AHRR: variants seen among roughly 807,000 people sequenced by gnomAD.
AHRR encodes the protein aryl hydrocarbon receptor repressor.
In AHRR, 28 loss-of-function variants were observed where a neutral mutation model predicts 44.0. That is an observed-to-expected ratio of 0.64 (90% CI 0.47 to 0.87). The LOEUF (loss-of-function observed/expected upper bound fraction) is 0.87. AHRR is among the 40% of genes least tolerant of loss of function. AHRR has a pLI of 0.00. For synonymous variants in AHRR, 434 were observed against 407.0 expected, an observed-to-expected ratio of 1.07 and a Z score of -0.80; for missense variants, 990 against 953.9, an observed-to-expected ratio of 1.04 and a Z score of -0.50.
In AHRR at chr5:438,232, A is replaced by T. The variant is rs1431917350; in HGVS notation, c.*3398A>T. ...TTTTTTTGTACTGTGGTTTGTATTA[A>T]ATTTGCAATATTGATGTAAAATACA... On this transcript the variant is annotated 3_prime_UTR_variant, in exon 11 of 11. Transcript: ENST00000684583. 2.0e-5 allele frequency: 3 copies of T among 152,382 alleles called. No homozygotes were observed. The highest frequency in any genetic ancestry group is 4.4e-5 in the Non-Finnish European group (3 of 68,042). 9.4% of individuals were successfully genotyped at this position (152,382 alleles called of 1,614,324 possible).
chr5:372,987 G>A (rs1743629439), intron 3 of AHRR, among the ~76,000 whole-genome samples: 3 of 152,250 alleles, frequency 2.0e-5, no homozygotes, highest in African/African-American at 7.2e-5. Flanking sequence ...AGCCCTTGCT[G>A]TGGGCACAGG....
chr5:344,245 C>T (rs778451764), intron 2 of AHRR, among the ~76,000 whole-genome samples: 43 of 150,792 alleles, frequency 2.9e-4, no homozygotes, highest in African/African-American at 6.8e-4. Flanking sequence ...AGGACGCGGG[C>T]GGAGCTCCGG....
rs894182431 is a variant in AHRR, at chr5:404,591, G to A, written c.352-8753G>A. The stretch of plus-strand genomic sequence containing the variant: ...TTGGTACTAAAATGGTAATTTTTAT[G>A]TTATGACGGTTTGGAAAAAACTGTC... On this transcript the variant is annotated intron_variant, in intron 4 of 10. Transcript: ENST00000684583. The surrounding 1 kb of genome is among the most constrained non-coding windows in gnomAD (Gnocchi z 4.1). 1.3e-5 allele frequency: 3 copies of A among 228,712 alleles called. No individual in the cohort carries two copies. The highest frequency in any genetic ancestry group is 2.7e-5 in the Non-Finnish European group (3 of 112,732). The allele number at this position is 228,712 out of a possible 1,614,324, so 14.2% of individuals were successfully genotyped here. A position where few individuals can be genotyped will look rare whatever the true frequency, so the allele number is the denominator to read the frequency against.
Position 432,894 on chromosome 5 carries a change from C to T in AHRR, c.1059C>T (p.Cys353=). The change falls in exon 10 of 11, where the codon TGC becomes TGT. Residue 353 remains cysteine (C), a synonymous_variant. Coordinates refer to ENST00000684583, the MANE Select transcript of AHRR (RefSeq NM_001377236.1). ...RWAQVPARAP[C]LCLRGGPDLV... is the part of the protein sequence containing the mutation. ...CACAGGTTCCCGCCAGGGCCCCATGCCTGTGCCTCCGGGGTGGCCCTGACC... is the reference window on the plus strand; with the variant it reads ...CACAGGTTCCCGCCAGGGCCCCATGTCTGTGCCTCCGGGGTGGCCCTGACC... 1 of 1,613,520 alleles carries T rather than the reference C, an allele frequency of 6.2e-7. No individual in the cohort carries two copies. The highest frequency in any genetic ancestry group is 8.5e-7 in the Non-Finnish European group (1 of 1,179,968).
At chr5:393,147 A>G (rs1372536156) in intron 4 of AHRR, among the ~76,000 whole-genome samples, 1 of 152,110 alleles carries the variant, frequency 6.6e-6, no homozygotes, top group African/African-American at 2.4e-5. Context: ...GATGCCTTTG[A>G]AATGAGAGCT....
At chr5:322,208 G>T (rs940743719) in intron 1 of AHRR, among the ~76,000 whole-genome samples, 1 of 152,116 alleles carries the variant, frequency 6.6e-6, no homozygotes, top group Non-Finnish European at 1.5e-5. Context: ...CTCACCCCCG[G>T]GAAAGGCCCA....
chr5:340,682 ATATATATTTTTTT>A (rs1474817948), intron 1 of AHRR, among the ~76,000 whole-genome samples: 3 of 23,770 alleles, frequency 1.3e-4, no homozygotes, highest in Admixed American at 4.3e-4. Flanking sequence ...ATATATATAT[ATATATATTTTTTT>A]TTTTTTTTTT....
chr5:385,910 T>A (rs1447182411), intron 4 of AHRR, among the ~76,000 whole-genome samples: 1 of 152,224 alleles, frequency 6.6e-6, no homozygotes. Context: ...TTTTTTTCAA[T>A]GTTTTCTTTC....
chr5:322,305 G>A (rs1741523799), intron 1 of AHRR, among the ~76,000 whole-genome samples: 1 of 152,232 alleles, frequency 6.6e-6, no homozygotes, highest in African/African-American at 2.4e-5. Context: ...CCCTGAGAGA[G>A]CGATGTGGCG....
intron 4 of AHRR, among the ~76,000 whole-genome samples, chr5:402,727 G>A (rs1187254804): frequency 1.3e-5 from 2 of 152,174 alleles, no homozygotes; most frequent in Non-Finnish European, 2.9e-5. Context: ...TCCCCCTGCC[G>A]GGCATTTACC....
In AHRR at chr5:370,668, G is replaced by A. The variant is rs945388417; in HGVS notation, c.245-5942G>A. 2.0e-5 allele frequency among the ~76,000 whole-genome samples: 3 copies of A among 151,600 alleles called. No individual in the cohort carries two copies. The highest frequency in any genetic ancestry group is 7.3e-5 in the African/African-American group (3 of 41,204). On this transcript the variant is annotated intron_variant, in intron 3 of 10. Transcript: ENST00000684583. The surrounding 1 kb of genome is among the most constrained non-coding windows in gnomAD (Gnocchi z 4.5). ...TGTGGGTGATGGGGGGACAGTCCAT[G>A]GGAAGGCACAGGTGATGGGGTTGGG...
chr5:398,545 T>G (rs11949773), intron 4 of AHRR, among the ~76,000 whole-genome samples: 14,453 of 152,276 alleles, frequency 0.095, 971 homozygotes, highest in Non-Finnish European at 0.13. Context: ...TCAGCTGGGC[T>G]TGGACCCTTG....
intron 3 of AHRR, among the ~76,000 whole-genome samples, chr5:367,044 G>T (rs1743382987): frequency 6.6e-6 from 1 of 152,232 alleles, no homozygotes; most frequent in Non-Finnish European, 1.5e-5. Flanking sequence ...GGGGTATCTG[G>T]GTGCTTTATA....
chr5:432,518 T>G lies in AHRR; in HGVS notation c.964T>G (p.Ser322Ala). The change falls in exon 9 of 11, where the codon TCA becomes GCA. Residue 322 changes from serine to alanine, a missense_variant. Coordinates refer to ENST00000684583, the MANE Select transcript of AHRR (RefSeq NM_001377236.1). ...ESELHGKPNY[S>A]AGRSSRESGV... Reference sequence around the variant, plus strand: ...GGAACTGCATGGAAAACCCAATTACTCAGCAGGTACTTAGAACATTTCTTA... The same window carrying G: ...GGAACTGCATGGAAAACCCAATTACGCAGCAGGTACTTAGAACATTTCTTA... 6.2e-7 allele frequency: 1 copy of G among 1,614,044 alleles called. No individual in the cohort carries two copies. The highest frequency in any genetic ancestry group is 1.1e-5 in the South Asian group (1 of 91,084).
At chr5:346,628 C>T (rs956968315) in intron 2 of AHRR, among the ~76,000 whole-genome samples, 1 of 152,224 alleles carries the variant, frequency 6.6e-6, no homozygotes, top group African/African-American at 2.4e-5. Context: ...TCAACCCTTC[C>T]TGGCCCCCTA....
chr5:378,769 C>T (rs10038693), intron 4 of AHRR, among the ~76,000 whole-genome samples: 107,378 of 152,004 alleles, frequency 0.71, 38,589 homozygotes, highest in African/African-American at 0.77. Context: ...TTCATTCTGT[C>T]TTTTAGGTGG....
intron 2 of AHRR, among the ~76,000 whole-genome samples, chr5:351,382 C>T (rs1381702487): frequency 2.0e-5 from 3 of 152,196 alleles, no homozygotes; most frequent in Admixed American, 6.5e-5. Context: ...ACGGATAAAG[C>T]AATGTGGCCT....
intron 1 of AHRR, among the ~76,000 whole-genome samples, chr5:339,578 G>A (rs1210135248): frequency 1.3e-5 from 2 of 152,020 alleles, no homozygotes; most frequent in African/African-American, 4.8e-5. Flanking sequence ...AATAATTTTA[G>A]TGGGAATGGG....
chr5:374,674 C>T (rs920525253), intron 3 of AHRR, among the ~76,000 whole-genome samples: 2 of 152,212 alleles, frequency 1.3e-5, no homozygotes, highest in African/African-American at 4.8e-5. Flanking sequence ...ACAGAGAGGC[C>T]GAGTCCCAAG....
Sources: allele counts gnomAD v4.1 joint callset (sites outside exome capture counted in the v4.1 genomes callset), GRCh38; gene constraint gnomAD v4.1.1; non-coding constraint Gnocchi (gnomAD v3.1); transcripts MANE v1.5; gene names NCBI Gene and HGNC (gene_info 2026-07-23, HGNC 2026-07-21).